Variants in SI observed in about 807,000 individuals in gnomAD.
SI encodes the protein sucrase-isomaltase, also known as sucrase-isomaltase, intestinal.
SI carries 235 observed loss-of-function variants against 253.3 expected under a neutral mutation model. That is an observed-to-expected ratio of 0.93 (90% CI 0.83 to 1.03). The LOEUF (loss-of-function observed/expected upper bound fraction) is 1.03. SI is among the 50% of genes least tolerant of loss of function. The pLI is 0.00. For synonymous variants in SI, 819 were observed against 712.0 expected, an observed-to-expected ratio of 1.15 and a Z score of -2.39; for missense variants, 2,442 against 2,211.1, an observed-to-expected ratio of 1.10 and a Z score of -2.09.
In SI at chr3:165,019,752, A is replaced by G; in HGVS notation, c.3273T>C (p.Pro1091=). 1 of 1,612,488 alleles carries G rather than the reference A, an allele frequency of 6.2e-7. No homozygotes were observed. Among genetic ancestry groups the G allele is most frequent in the Non-Finnish European group, 8.5e-7 (1 of 1,178,912 alleles). ...TGAACTGGTCATTAAAAGCAAATCC[A>G]GGCAGCCAAGAATCCCAACTGAAAA... ...SGRVIWDSWL[P]GFAFNDQFIQ... Residue 1091 remains proline (P), a synonymous_variant, in exon 28 of 48, where the codon CCT becomes CCC. Transcript: ENST00000264382.
At chr3:165,076,082 A>C in intron 1 of SI, 70 bp from the exon 2 acceptor site, 2,120 of 1,089,770 alleles carry the variant, frequency 1.9e-3, no homozygotes, top group Non-Finnish European at 2.5e-3. Context: ...AACAATTCTC[A>C]TGAAATTACA....
intron 25 of SI, 78 bp downstream of exon 25, chr3:165,030,634 A>C: frequency 6.9e-7 from 1 of 1,453,932 alleles, no homozygotes; most frequent in African/African-American, 1.4e-5. Context: ...TGCAGATTTA[A>C]AATTATAATA....
At chr3:165,075,517 A>C (rs1714898153) in intron 2 of SI, among the ~76,000 whole-genome samples, 1 of 151,988 alleles carries the variant, frequency 6.6e-6, no homozygotes, top group Admixed American at 6.6e-5. Flanking sequence ...ATATTTGCTA[A>C]AATCCTTATT....
chr3:165,004,059 A>T (rs190209468), intron 37 of SI, among the ~76,000 whole-genome samples: 10 of 152,246 alleles, frequency 6.6e-5, no homozygotes, highest in Non-Finnish European at 1.2e-4. Context: ...TTGACAAGGG[A>T]TTAATGACCA....
At chr3:165,051,793 A>C (rs935557167) in intron 13 of SI, among the ~76,000 whole-genome samples, 9 of 151,978 alleles carry the variant, frequency 5.9e-5, no homozygotes, top group African/African-American at 1.9e-4. Context: ...ATCTTTCATC[A>C]ATGAAAGTAA....
At chr3:165,006,424 A>T (rs534052217) in intron 37 of SI, among the ~76,000 whole-genome samples, 9 of 152,292 alleles carry the variant, frequency 5.9e-5, no homozygotes, top group African/African-American at 2.2e-4. Context: ...AATGAATTCA[A>T]ATAACAGATT....
intron 5 of SI, 101 bp downstream of exon 5, chr3:165,068,621 C>T (rs560332002): frequency 1.5e-5 from 12 of 819,598 alleles, no homozygotes; most frequent in Non-Finnish European, 2.2e-5. Flanking sequence ...GATCCGCCCA[C>T]GTCAGCTTCC....
chr3:165,072,050 C>T (rs1714610438), intron 3 of SI, among the ~76,000 whole-genome samples: 1 of 151,988 alleles, frequency 6.6e-6, no homozygotes, highest in African/African-American at 2.4e-5. Flanking sequence ...AATAAACATG[C>T]CATTTCTAGT....
chr3:165,005,509 C>T (rs549591131), intron 37 of SI, among the ~76,000 whole-genome samples: 1 of 152,118 alleles, frequency 6.6e-6, no homozygotes, highest in East Asian at 1.9e-4. Context: ...AATCTAAACC[C>T]TAAAAAGAAA....
At chr3:165,023,533 ATGAGT>A in intron 26 of SI, 32 bp downstream of exon 26, 2 of 1,362,606 alleles carry the variant, frequency 1.5e-6, no homozygotes, top group Non-Finnish European at 2.1e-6. Context: ...ATCTCACAAG[ATGAGT>A]TAAGCTTTGG....
Position 165,023,761 on chromosome 3 carries a change from T to C in SI, c.2908A>G (p.Lys970Glu). ...CTGGGAAAGTAACACTCAGGTGCTT[T>C]GGATAGAGAAGAACCCTAAAAACAC... ...CVWRTGSSLS[K>E]APECYFPRQD... Residue 970 changes from lysine to glutamate, a missense_variant, in exon 26 of 48, where the codon AAA becomes GAA. Coordinates refer to ENST00000264382, the MANE Select transcript of SI (RefSeq NM_001041.4). 1.2e-6 allele frequency: 2 copies of C among 1,609,944 alleles called. No homozygotes were observed. Among genetic ancestry groups the C allele is most frequent in the Non-Finnish European group, 1.7e-6 (2 of 1,177,230 alleles).
intron 17 of SI, 116 bp from the exon 18 acceptor site, chr3:165,041,210 G>T: frequency 8.1e-6 from 7 of 863,234 alleles, no homozygotes; most frequent in South Asian, 7.4e-5. Context: ...TTGTTTATGA[G>T]AAATTAAAAT....
intron 22 of SI, among the ~76,000 whole-genome samples, chr3:165,035,325 G>A (rs1471356440): frequency 6.6e-6 from 1 of 151,914 alleles, no homozygotes; most frequent in Non-Finnish European, 1.5e-5. Flanking sequence ...AGCTGTTAAT[G>A]ATACAAGTAA....
At chr3:165,021,671 G>T (rs1183511482) in intron 26 of SI, among the ~76,000 whole-genome samples, 1 of 151,500 alleles carries the variant, frequency 6.6e-6, no homozygotes, top group African/African-American at 2.4e-5. Context: ...TAAATATTCT[G>T]TTGTATGGGT....
In SI at chr3:165,060,167, T is replaced by A. The variant is rs575465464; in HGVS notation, c.1021-140A>T. The A allele has an allele frequency of 1.4e-4, 100 of 728,756 alleles. No homozygotes were observed. In the African/African-American group the frequency reaches 1.4e-3, roughly 10 times the overall value. 45.1% of individuals were successfully genotyped at this position (728,756 alleles called of 1,614,324 possible). A position where few individuals can be genotyped will look rare whatever the true frequency, so the allele number is the denominator to read the frequency against. On this transcript the variant is annotated intron_variant, in intron 9 of 47. Coordinates refer to ENST00000264382, the MANE Select transcript of SI (RefSeq NM_001041.4). ...TATAATTTAAACAAACCTTTAGTGT[T>A]ACCTGGATTCTAAACAATTTCCTAT...
chr3:165,075,624 A>C lies in SI; in HGVS notation c.118+271T>G, dbSNP rs531388063. Reference sequence around the variant, plus strand: ...TAGGCGATTATTCCACCTTACATTAACGATTTGATCCCTTTGCCTCTTTGC... The same window carrying C: ...TAGGCGATTATTCCACCTTACATTACCGATTTGATCCCTTTGCCTCTTTGC... On this transcript the variant is annotated intron_variant, in intron 2 of 47. Coordinates refer to ENST00000264382, the MANE Select transcript of SI (RefSeq NM_001041.4). 2.6e-5 allele frequency among the ~76,000 whole-genome samples: 4 copies of C among 152,000 alleles called. No homozygotes were observed. The Admixed American group carries it at 2.6e-4, about 10-fold the overall frequency.
intron 3 of SI, among the ~76,000 whole-genome samples, chr3:165,071,173 G>A (rs991422010): frequency 9.9e-5 from 15 of 151,936 alleles, no homozygotes; most frequent in East Asian, 3.9e-4. Flanking sequence ...AAGTAGACAC[G>A]AATTTTTGGA....
At chr3:164,984,869 C>T (rs1165328935) in intron 45 of SI, among the ~76,000 whole-genome samples, 3 of 152,004 alleles carry the variant, frequency 2.0e-5, no homozygotes, top group Non-Finnish European at 4.4e-5. Context: ...TGAGAGAAAA[C>T]CTCTTTGGAG....
chr3:164,998,878 T>C lies in SI; in HGVS notation c.4407-205A>G, dbSNP rs944491487. On this transcript the variant is annotated intron_variant, in intron 37 of 47. Transcript: ENST00000264382. The stretch of plus-strand genomic sequence containing the variant: ...AGGACGTCTTTTTCCCTTCCAACAT[T>C]TACCAGAGTGACATGCAGATATTAA... 2.4e-4 allele frequency among the ~76,000 whole-genome samples: 36 copies of C among 151,938 alleles called. 1 individual carries two copies. Among genetic ancestry groups the C allele is most frequent in the Non-Finnish European group, 4.1e-4 (28 of 67,830 alleles).
Sources: allele counts gnomAD v4.1 joint callset (sites outside exome capture counted in the v4.1 genomes callset), GRCh38; gene constraint gnomAD v4.1.1; transcripts MANE v1.5; gene names NCBI Gene and HGNC (gene_info 2026-07-23, HGNC 2026-07-21).